EYS: variants seen among roughly 807,000 people sequenced by gnomAD.
EYS encodes EGF-like photoreceptor maintenance factor.
EYS carries 250 observed loss-of-function variants against 282.1 expected under a neutral mutation model. The ratio of observed to expected loss-of-function variants is 0.89; its 90% CI spans 0.80 to 0.98. The LOEUF is 0.98. Ranked by LOEUF, EYS falls within the 50% of genes least tolerant of loss-of-function variation. The pLI is 0.00. For synonymous variants in EYS, 1,355 were observed against 1,282.9 expected (o/e 1.06, Z -1.20); for missense variants, 4,016 against 3,709.0 (o/e 1.08, Z -2.15).
intron 22 of EYS, among the ~76,000 whole-genome samples, chr6:64,806,039 CAT>C (rs1452954372): frequency 6.6e-6 from 1 of 151,352 alleles, no homozygotes; most frequent in Non-Finnish European, 1.5e-5. Context: ...AAAATTATGA[CAT>C]AATTACTAAT....
chr6:64,620,516 T>A (rs1381130086), intron 23 of EYS, among the ~76,000 whole-genome samples: 2 of 152,130 alleles, frequency 1.3e-5, no homozygotes, highest in Admixed American at 6.6e-5. Flanking sequence ...GAAGTTGTAG[T>A]TTTCAATACT....
At chr6:65,425,269 T>C (rs1393433734) in intron 5 of EYS, among the ~76,000 whole-genome samples, 1 of 152,090 alleles carries the variant, frequency 6.6e-6, no homozygotes, top group Non-Finnish European at 1.5e-5. Flanking sequence ...TCCATGATCA[T>C]GAAGAGAATT....
intron 29 of EYS, among the ~76,000 whole-genome samples, chr6:64,367,663 G>A (rs1443751967): frequency 6.6e-6 from 1 of 152,012 alleles, no homozygotes; most frequent in Non-Finnish European, 1.5e-5. Flanking sequence ...TGTGAATGGG[G>A]TCTACGGGGA....
At chr6:64,374,690 G>A (rs534594453) in intron 29 of EYS, among the ~76,000 whole-genome samples, 2 of 152,074 alleles carry the variant, frequency 1.3e-5, no homozygotes, top group Non-Finnish European at 1.5e-5. Context: ...TTTCCTCTAC[G>A]TGAGAGTGGC....
chr6:64,679,975 G>A (rs1769839925), intron 22 of EYS, among the ~76,000 whole-genome samples: 1 of 151,720 alleles, frequency 6.6e-6, no homozygotes, highest in South Asian at 2.1e-4. Context: ...CTACTGTCCA[G>A]GCCAAATTTT....
At chr6:64,507,052 ATAT>A (rs1433853856) in intron 26 of EYS, among the ~76,000 whole-genome samples, 56 of 151,148 alleles carry the variant, frequency 3.7e-4, no homozygotes, top group African/African-American at 1.2e-3. Context: ...GATACTGCAA[ATAT>A]TATTACAAAA....
intron 26 of EYS, among the ~76,000 whole-genome samples, chr6:64,555,620 TA>T (rs1181171581): frequency 6.6e-6 from 1 of 151,628 alleles, no homozygotes; most frequent in Non-Finnish European, 1.5e-5. Context: ...ATTTGTAATA[TA>T]AAAAATAAAT....
chr6:65,388,252 A>G (rs371019132), intron 7 of EYS, among the ~76,000 whole-genome samples: 26 of 152,056 alleles, frequency 1.7e-4, no homozygotes, highest in Non-Finnish European at 3.1e-4. Context: ...CCTCTATCCT[A>G]GAATATAGAA....
At chr6:65,311,047 G>A (rs1173609925) in intron 11 of EYS, among the ~76,000 whole-genome samples, 1 of 151,518 alleles carries the variant, frequency 6.6e-6, no homozygotes, top group Non-Finnish European at 1.5e-5. Flanking sequence ...TTTTAATGGG[G>A]ATGATGAATA....
chr6:63,941,013 T>C (rs1283033596), intron 35 of EYS, among the ~76,000 whole-genome samples: 1 of 152,152 alleles, frequency 6.6e-6, no homozygotes, highest in African/African-American at 2.4e-5. Context: ...GGACATGAAC[T>C]CACCCTTTTT....
At chr6:64,883,936 C>T (rs1217815345) in intron 19 of EYS, among the ~76,000 whole-genome samples, 1 of 151,460 alleles carries the variant, frequency 6.6e-6, no homozygotes, top group African/African-American at 2.4e-5. Context: ...TGTTTATTAT[C>T]TTCTTCCAAT....
chr6:64,991,027 G>A (rs1393222429), intron 14 of EYS, among the ~76,000 whole-genome samples: 2 of 151,118 alleles, frequency 1.3e-5, no homozygotes, highest in Non-Finnish European at 3.0e-5. Context: ...AATTGAGGGG[G>A]AACATATTAA....
chr6:64,266,724 T>C (rs1469166636), intron 30 of EYS, among the ~76,000 whole-genome samples: 1 of 152,134 alleles, frequency 6.6e-6, no homozygotes, highest in East Asian at 1.9e-4. Flanking sequence ...CAAGCCTCTG[T>C]ATGGCCACGT....
intron 36 of EYS, among the ~76,000 whole-genome samples, chr6:63,832,788 C>A (rs773023220): frequency 2.6e-5 from 4 of 152,170 alleles, no homozygotes; most frequent in Non-Finnish European, 5.9e-5. Context: ...GACCAATATT[C>A]CTGGTGAACA....
chr6:64,607,048 A>T (rs1479784020), intron 24 of EYS, among the ~76,000 whole-genome samples: 2 of 150,994 alleles, frequency 1.3e-5, no homozygotes, highest in Non-Finnish European at 3.0e-5. Context: ...CTGTATGAAT[A>T]AAAAAAAAGA....
At chr6:64,419,168 T>C (rs1774149960) in intron 28 of EYS, among the ~76,000 whole-genome samples, 1 of 152,172 alleles carries the variant, frequency 6.6e-6, no homozygotes, top group Admixed American at 6.5e-5. Flanking sequence ...CTCGTGCTGC[T>C]AATAAAGAGA....
chr6:65,368,384 G>T (rs1484500657), intron 8 of EYS, among the ~76,000 whole-genome samples: 1 of 151,602 alleles, frequency 6.6e-6, no homozygotes, highest in Non-Finnish European at 1.5e-5. Flanking sequence ...TGGTAACTTT[G>T]ATTTCTATTA....
chr6:65,430,155 C>A (rs1437136894), intron 5 of EYS, among the ~76,000 whole-genome samples: 1 of 152,082 alleles, frequency 6.6e-6, no homozygotes, highest in South Asian at 2.1e-4. Flanking sequence ...TTCAGGGACA[C>A]AAAGTTAACA....
intron 30 of EYS, among the ~76,000 whole-genome samples, chr6:64,234,485 A>G (rs970669760): frequency 6.6e-6 from 1 of 152,160 alleles, no homozygotes; most frequent in Non-Finnish European, 1.5e-5. Flanking sequence ...TAACTGATAT[A>G]TTTAAGTTGT....
Sources: allele counts gnomAD v4.1 joint callset (sites outside exome capture counted in the v4.1 genomes callset), GRCh38; gene constraint gnomAD v4.1.1; transcripts MANE v1.5; gene names NCBI Gene and HGNC (gene_info 2026-07-23, HGNC 2026-07-21).